The following GRIN2B variants were observed in gnomAD, a reference collection of about 807,000 sequenced individuals.
GRIN2B encodes glutamate ionotropic receptor NMDA type subunit 2B.
In GRIN2B, 5 loss-of-function variants were observed where a neutral mutation model predicts 114.5. That is an observed-to-expected ratio of 0.04 (90% confidence interval 0.02 to 0.09). The LOEUF is 0.09. GRIN2B is among the 10% of genes least tolerant of loss of function. GRIN2B has a pLI of 1.00. For synonymous variants in GRIN2B, 787 were observed against 745.1 expected (o/e 1.06, Z -0.92); for missense variants, 1,108 against 1,943.5 (o/e 0.57, Z 8.08).
chr12:13,853,859 A>G (rs559865665), intron 3 of GRIN2B, among the ~76,000 whole-genome samples: 5 of 152,352 alleles, frequency 3.3e-5, no homozygotes, highest in Admixed American at 2.0e-4. Context: ...TAATTCATCC[A>G]TACATTTAAT....
At chr12:13,874,875 C>T (rs1865970905) in intron 2 of GRIN2B, among the ~76,000 whole-genome samples, 1 of 152,052 alleles carries the variant, frequency 6.6e-6, no homozygotes. Context: ...GGGGACAGAC[C>T]ACCAAACCTA....
intron 4 of GRIN2B, among the ~76,000 whole-genome samples, chr12:13,712,212 A>G (rs1053411531): frequency 6.7e-6 from 1 of 148,788 alleles, no homozygotes; most frequent in Non-Finnish European, 1.5e-5. Context: ...GGGAACATCA[A>G]ACACCGGGGC....
chr12:13,835,708 G>A (rs1865248039), intron 3 of GRIN2B, among the ~76,000 whole-genome samples: 2 of 149,902 alleles, frequency 1.3e-5, no homozygotes, highest in African/African-American at 2.5e-5. Flanking sequence ...CATTCTCAGG[G>A]AGAAAGGCAG....
chr12:13,605,188 G>A (rs1023277598), intron 10 of GRIN2B, among the ~76,000 whole-genome samples: 4 of 151,806 alleles, frequency 2.6e-5, no homozygotes, highest in South Asian at 2.1e-4. Flanking sequence ...AATAGAATGC[G>A]GAAGATACGT....
At position 13,868,869 on chromosome 12, in the gene GRIN2B, G is replaced by A. The variant is rs143579647; in HGVS notation, c.-18-2643C>T. ...TTATGGGAGATAACAGTAGCAGAGGGGCTGTGAGACAAAGAGGCTACTTTG... is the reference window on the plus strand; with the variant it reads ...TTATGGGAGATAACAGTAGCAGAGGAGCTGTGAGACAAAGAGGCTACTTTG... On this transcript the variant is annotated intron_variant, in intron 2 of 13. Transcript: ENST00000609686. Among the ~76,000 whole-genome samples, 23 of 152,276 alleles carry A rather than the reference G, an allele frequency of 1.5e-4. No individual in the cohort carries two copies. In the East Asian group the frequency reaches 3.3e-3, roughly 22 times the overall value.
At chr12:13,730,900 T>G (rs1215235092) in intron 4 of GRIN2B, among the ~76,000 whole-genome samples, 1 of 152,276 alleles carries the variant, frequency 6.6e-6, no homozygotes, top group East Asian at 1.9e-4. Flanking sequence ...CCCCTTTCCT[T>G]TCTTAAAATG....
chr12:13,872,454 CAA>C (rs35373717), intron 2 of GRIN2B, among the ~76,000 whole-genome samples: 4 of 124,280 alleles, frequency 3.2e-5, no homozygotes, highest in Admixed American at 7.9e-5. Context: ...GGCTCCGACT[CAA>C]AAAAAAAAAA....
intron 4 of GRIN2B, among the ~76,000 whole-genome samples, chr12:13,726,584 T>C (rs1429573172): frequency 6.8e-6 from 1 of 147,238 alleles, no homozygotes; most frequent in Non-Finnish European, 1.5e-5. Flanking sequence ...AATATATATA[T>C]AAATATATAA....
rs1214516060 is a variant in GRIN2B, at chr12:13,559,080, C to G, written c.*3703G>C. On this transcript the variant is annotated 3_prime_UTR_variant, in exon 14 of 14. Coordinates refer to ENST00000609686, the MANE Select transcript of GRIN2B (RefSeq NM_000834.5). Reference sequence around the variant, plus strand: ...GGATGGATTGGGTGTTGTTTCATACCCATCTGTGATATAGATTGGGCTTAT... The same window carrying G: ...GGATGGATTGGGTGTTGTTTCATACGCATCTGTGATATAGATTGGGCTTAT... 1.3e-5 allele frequency: 2 copies of G among 152,156 alleles called. No individual in the cohort carries two copies. Among genetic ancestry groups the G allele is most frequent in the Non-Finnish European group, 2.9e-5 (2 of 68,030 alleles). The allele number at this position is 152,156 out of a possible 1,614,324, so 9.4% of individuals were successfully genotyped here.
intron 2 of GRIN2B, among the ~76,000 whole-genome samples, chr12:13,914,350 G>T (rs1866675167): frequency 6.6e-6 from 1 of 152,186 alleles, no homozygotes; most frequent in Admixed American, 6.5e-5. Flanking sequence ...TCTGTAAAAA[G>T]CAGACCACAA....
At chr12:13,974,555 C>T (rs1008393967) in intron 2 of GRIN2B, among the ~76,000 whole-genome samples, 14 of 152,140 alleles carry the variant, frequency 9.2e-5, no homozygotes, top group Non-Finnish European at 1.5e-4. Flanking sequence ...TGCTTTCTGT[C>T]CTCCTAAAAT....
At chr12:13,873,060 A>G (rs1313258183) in intron 2 of GRIN2B, among the ~76,000 whole-genome samples, 2 of 152,242 alleles carry the variant, frequency 1.3e-5, no homozygotes, top group African/African-American at 2.4e-5. Flanking sequence ...TCCTTATCTG[A>G]ACCTATAATG....
At chr12:13,890,179 T>A (rs61914291) in intron 2 of GRIN2B, among the ~76,000 whole-genome samples, 26,192 of 152,156 alleles carry the variant, frequency 0.17, 3,057 homozygotes, top group Non-Finnish European at 0.26. Context: ...TCAACACAGA[T>A]GAAGAATGGG....
intron 2 of GRIN2B, among the ~76,000 whole-genome samples, chr12:13,888,239 G>A (rs896035767): frequency 6.6e-6 from 1 of 152,128 alleles, no homozygotes; most frequent in African/African-American, 2.4e-5. Flanking sequence ...ATCACAGAGT[G>A]CACTTCCACA....
chr12:13,961,184 G>T lies in GRIN2B; in HGVS notation c.-19+18744C>A, dbSNP rs576836637. ...TCAGTACTGGAGAAGCTGAATTCCA[G>T]TTCGAGGAAACAGAGTGGCAGGGGA... On this transcript the variant is annotated intron_variant, in intron 2 of 13. Transcript: ENST00000609686. Among the ~76,000 whole-genome samples, 91 of 152,150 alleles carry T rather than the reference G, an allele frequency of 6.0e-4. 1 individual carries two copies. The South Asian group carries it at 6.4e-3, about 11-fold the overall frequency.
Position 13,571,818 on chromosome 12 carries a change from G to C in GRIN2B, c.2157C>G (p.Leu719=). 1 of 1,614,074 alleles carries C rather than the reference G, an allele frequency of 6.2e-7. No individual in the cohort carries two copies. Among genetic ancestry groups the C allele is most frequent in the Non-Finnish European group, 8.5e-7 (1 of 1,179,918 alleles). The change falls in exon 11 of 14, where the codon CTC becomes CTG. Residue 719 remains leucine (L), a synonymous_variant. Coordinates refer to ENST00000609686, the MANE Select transcript of GRIN2B (RefSeq NM_000834.5). ...FNQRGVDDAL[L]SLKTGKLDAF... is the part of the protein sequence containing the mutation. ...GCAGTTCTTACCCTGTTTTCAGGGA[G>C]AGCAATGCATCATCTACACCCCTCT... is the stretch of plus-strand genomic sequence containing the variant.
rs1948345921 is a variant in GRIN2B at position 13,546,568 on chromosome 12, C to T, written c.*16215G>A. The T allele has an allele frequency of 6.6e-6, 1 of 152,076 alleles. No homozygotes were observed. Among genetic ancestry groups the T allele is most frequent in the African/African-American group, 2.4e-5 (1 of 41,414 alleles). 9.4% of individuals were successfully genotyped at this position (152,076 alleles called of 1,614,324 possible). ...ATTTTTTTTTCAACTCAGTGAAGAA[C>T]ATTTCTCAGAACCAAGCTTTTTGTC... On this transcript the variant is annotated 3_prime_UTR_variant, in exon 14 of 14. Transcript: ENST00000609686.
At chr12:13,650,502 T>C (rs1157679758) in intron 5 of GRIN2B, among the ~76,000 whole-genome samples, 1 of 152,118 alleles carries the variant, frequency 6.6e-6, no homozygotes, top group African/African-American at 2.4e-5. Flanking sequence ...TGATTTATCT[T>C]ACCCATGAAA....
intron 3 of GRIN2B, among the ~76,000 whole-genome samples, chr12:13,777,937 G>A (rs1258486474): frequency 3.9e-5 from 6 of 152,136 alleles, no homozygotes; most frequent in Non-Finnish European, 8.8e-5. Context: ...TGCCTTGATT[G>A]TCTGCTATGG....
Sources: allele counts gnomAD v4.1 joint callset (sites outside exome capture counted in the v4.1 genomes callset), GRCh38; gene constraint gnomAD v4.1.1; transcripts MANE v1.5; gene names NCBI Gene and HGNC (gene_info 2026-07-23, HGNC 2026-07-21).